Variants in SCAPER observed in about 807,000 individuals in gnomAD.
The protein encoded by SCAPER is S phase cyclin A-associated protein in the endoplasmic reticulum.
Under a neutral mutation model 182.2 loss-of-function variants are expected in SCAPER, and 98 were observed. The ratio of observed to expected loss-of-function variants is 0.54; its 90% CI spans 0.46 to 0.64. The LOEUF (loss-of-function observed/expected upper bound fraction) is 0.64, where lower values mean the gene tolerates loss of function less well. Among genes scored for constraint, SCAPER ranks in the 30% least tolerant of loss-of-function variants. The pLI is 0.00. For missense variants in SCAPER, 1,432 were observed against 1,690.0 expected (o/e 0.85, Z 2.68); for synonymous variants, 605 against 564.6 (o/e 1.07, Z -1.01).
chr15:76,682,625 C>T (rs1294750077), intron 20 of SCAPER, among the ~76,000 whole-genome samples: 2 of 152,074 alleles, frequency 1.3e-5, no homozygotes, highest in Non-Finnish European at 2.9e-5. Context: ...GGCACCACCT[C>T]GAAAAAGCAC....
intron 5 of SCAPER, among the ~76,000 whole-genome samples, chr15:76,826,431 A>C: frequency 1.1e-5 from 1 of 91,508 alleles, no homozygotes; most frequent in African/African-American, 4.4e-5. Flanking sequence ...GGGAGGGGGG[A>C]GGGATAGCAT....
At chr15:76,698,744 G>C (rs2058778763) in intron 20 of SCAPER, among the ~76,000 whole-genome samples, 1 of 152,122 alleles carries the variant, frequency 6.6e-6, no homozygotes, top group South Asian at 2.1e-4. Context: ...GCTCAGACTG[G>C]GCTATATTTT....
intron 26 of SCAPER, among the ~76,000 whole-genome samples, chr15:76,433,829 G>T (rs1225055943): frequency 6.6e-6 from 1 of 152,164 alleles, no homozygotes; most frequent in Non-Finnish European, 1.5e-5. Flanking sequence ...AAAGGTGGGG[G>T]ACAGACAGAC....
chr15:76,783,166 A>C (rs2064291835), intron 8 of SCAPER, among the ~76,000 whole-genome samples: 1 of 152,046 alleles, frequency 6.6e-6, no homozygotes, highest in Non-Finnish European at 1.5e-5. Flanking sequence ...AGAGAGAAGA[A>C]TCAAATAGAC....
intron 5 of SCAPER, among the ~76,000 whole-genome samples, chr15:76,812,329 A>G (rs1266989259): frequency 1.3e-5 from 2 of 152,014 alleles, no homozygotes; most frequent in South Asian, 2.1e-4. Flanking sequence ...AAAAAAAACA[A>G]AAAACAAAAA....
At chr15:76,854,578 A>G (rs1191866649) in intron 4 of SCAPER, among the ~76,000 whole-genome samples, 3 of 152,082 alleles carry the variant, frequency 2.0e-5, no homozygotes, top group Admixed American at 2.0e-4. Flanking sequence ...CAAACTACCA[A>G]TGACATTCTT....
At chr15:76,374,317 G>C (rs2042385473) in intron 29 of SCAPER, among the ~76,000 whole-genome samples, 1 of 151,834 alleles carries the variant, frequency 6.6e-6, no homozygotes. Flanking sequence ...TGAACCGGGA[G>C]GCAGAGGTTG....
chr15:76,848,572 G>A (rs1001377598), intron 4 of SCAPER, among the ~76,000 whole-genome samples: 15 of 151,536 alleles, frequency 9.9e-5, no homozygotes, highest in African/African-American at 3.4e-4. Flanking sequence ...CTGACCTCGC[G>A]ATCTGCCCAC....
At chr15:76,527,214 T>C (rs1311062824) in intron 23 of SCAPER, among the ~76,000 whole-genome samples, 1 of 152,246 alleles carries the variant, frequency 6.6e-6, no homozygotes, top group Non-Finnish European at 1.5e-5. Context: ...TATAATTTTA[T>C]CTGTTATAAA....
intron 22 of SCAPER, among the ~76,000 whole-genome samples, chr15:76,580,763 G>T (rs2048212333): frequency 6.6e-6 from 1 of 151,944 alleles, no homozygotes; most frequent in African/African-American, 2.4e-5. Context: ...AACGAGAAAA[G>T]CAAGAGCAAT....
intron 20 of SCAPER, among the ~76,000 whole-genome samples, chr15:76,678,202 CA>C (rs2057476634): frequency 6.6e-6 from 1 of 151,274 alleles, no homozygotes; most frequent in African/African-American, 2.4e-5. Flanking sequence ...CAGAGTTTTT[CA>C]AAAAAAATTC....
rs1289685958 is a variant in SCAPER, at chr15:76,595,406, G to A, written c.2712-21122C>T. On this transcript the variant is annotated intron_variant, in intron 22 of 31. Transcript: ENST00000563290. The stretch of plus-strand genomic sequence containing the variant: ...CACTGTCAATATTAGACAGATCAAC[G>A]AGGCAGAAAATTAACAAGGATATTC... Among the ~76,000 whole-genome samples the A allele has an allele frequency of 1.6e-4, 19 of 121,280 alleles. 2 individuals carry two copies. Among genetic ancestry groups the A allele is most frequent in the African/African-American group, 4.5e-4 (18 of 39,692 alleles). The allele number at this position is 121,280 out of a possible 152,430, so 79.6% of individuals were successfully genotyped here.
intron 21 of SCAPER, among the ~76,000 whole-genome samples, chr15:76,651,055 T>TA (rs147253255): frequency 1.4e-4 from 21 of 151,730 alleles, no homozygotes; most frequent in African/African-American, 2.4e-4. Context: ...ACATATATTA[T>TA]AAAAAAAGAG....
intron 26 of SCAPER, among the ~76,000 whole-genome samples, chr15:76,407,714 T>C (rs1266012260): frequency 6.6e-6 from 1 of 152,206 alleles, no homozygotes; most frequent in Non-Finnish European, 1.5e-5. Flanking sequence ...CTCCACATGA[T>C]TGACATTATA....
Position 76,354,526 on chromosome 15 carries a change from GA to G in SCAPER, c.3856-387del, listed in dbSNP as rs1267017188. On this transcript the variant is annotated intron_variant, in intron 29 of 31. Transcript: ENST00000563290. The surrounding 1 kb of genome is among the most constrained non-coding windows in gnomAD (Gnocchi z 4.4). ...AAACCTGCAAAGAGTTCACTCACAAGAAAGTAAGGCCCTGCCCACTGCAGTC... is the reference window on the plus strand; with the variant it reads ...AAACCTGCAAAGAGTTCACTCACAAGAAGTAAGGCCCTGCCCACTGCAGTC... 1 of 178,092 alleles carries G rather than the reference GA, an allele frequency of 5.6e-6. No homozygotes were observed. The highest frequency in any genetic ancestry group is 2.4e-5 in the African/African-American group (1 of 41,700). 11.0% of individuals were successfully genotyped at this position (178,092 alleles called of 1,614,324 possible). A position where few individuals can be genotyped will look rare whatever the true frequency, so the allele number is the denominator to read the frequency against.
At chr15:76,371,569 C>T (rs1419967368) in intron 29 of SCAPER, among the ~76,000 whole-genome samples, 10 of 151,562 alleles carry the variant, frequency 6.6e-5, no homozygotes, top group African/African-American at 1.9e-4. Context: ...CCGCCCACCC[C>T]GGCCTCTCAA....
chr15:76,648,941 G>A (rs908863587), intron 21 of SCAPER, among the ~76,000 whole-genome samples: 1 of 152,192 alleles, frequency 6.6e-6, no homozygotes, highest in African/African-American at 2.4e-5. Context: ...AGATTAGGGT[G>A]GGATAGCCAG....
At chr15:76,647,113 T>C (rs1193148307) in intron 21 of SCAPER, among the ~76,000 whole-genome samples, 3 of 152,176 alleles carry the variant, frequency 2.0e-5, no homozygotes, top group South Asian at 4.1e-4. Context: ...ACACCTACCA[T>C]GTGCAGAAAA....
chr15:76,656,394 A>G (rs1278004303), intron 21 of SCAPER, among the ~76,000 whole-genome samples: 1 of 152,234 alleles, frequency 6.6e-6, no homozygotes, highest in Non-Finnish European at 1.5e-5. Flanking sequence ...ACATAGATTC[A>G]TAAAACAAGT....
Sources: allele counts gnomAD v4.1 joint callset (sites outside exome capture counted in the v4.1 genomes callset), GRCh38; gene constraint gnomAD v4.1.1; non-coding constraint Gnocchi (gnomAD v3.1); transcripts MANE v1.5; gene names NCBI Gene and HGNC (gene_info 2026-07-23, HGNC 2026-07-21).